Variants in TTYH3 observed in about 807,000 individuals in gnomAD.
The protein encoded by TTYH3 is protein tweety homolog 3.
Under a neutral mutation model 68.2 loss-of-function variants are expected in TTYH3, and 23 were observed. That is an observed-to-expected ratio of 0.34 (90% CI 0.24 to 0.48). The LOEUF (loss-of-function observed/expected upper bound fraction) is 0.48. Among genes scored for constraint, TTYH3 ranks in the 20% least tolerant of loss-of-function variants. The pLI is 0.99. For synonymous variants in TTYH3, 360 were observed against 332.8 expected (o/e 1.08, Z -0.89); for missense variants, 768 against 727.7 (o/e 1.06, Z -0.64).
At position 2,642,487 on chromosome 7, in the gene TTYH3, AGCCG is replaced by A. The variant is rs1785872235; in HGVS notation, c.124-4365_124-4362del. 2.1e-5 allele frequency among the ~76,000 whole-genome samples: 3 copies of A among 145,728 alleles called. No homozygotes were observed. The South Asian group carries it at 6.6e-4, about 32-fold the overall frequency. On this transcript the variant is annotated intron_variant, in intron 1 of 13. Coordinates refer to ENST00000258796, the MANE Select transcript of TTYH3 (RefSeq NM_025250.3). ...AACCTGAGAGGTGGAGGTTGCAGTGAGCCGAGATCATGCCACTGCACTCCAGCCT... is the reference window on the plus strand; with the variant it reads ...AACCTGAGAGGTGGAGGTTGCAGTGAAGATCATGCCACTGCACTCCAGCCT...
intron 9 of TTYH3, 149 bp downstream of exon 9, chr7:2,653,159 A>G: frequency 3.0e-6 from 2 of 663,006 alleles, no homozygotes; most frequent in Non-Finnish European, 5.2e-6. Flanking sequence ...GTGGCATGGG[A>G]GGTGTTCCTC....
In TTYH3 at chr7:2,635,931, GC is replaced by G. The variant is rs1378557074; in HGVS notation, c.123+3655del. Among the ~76,000 whole-genome samples the G allele has an allele frequency of 1.7e-4, 26 of 152,350 alleles. 1 individual carries two copies. Among genetic ancestry groups the G allele is most frequent in the African/African-American group, 5.8e-4 (24 of 41,602 alleles). On this transcript the variant is annotated intron_variant, in intron 1 of 13. Transcript: ENST00000258796. ...GGCCCTGAGGCAGAGAGAAGCTTGA[GC>G]CTCGGGGAGAGGCCTCAGCCCCACG...
rs1246722019 is a variant in TTYH3, at chr7:2,663,001, C to T, written c.*1262C>T. The T allele has an allele frequency of 6.6e-6, 1 of 152,292 alleles. No homozygotes were observed. Among genetic ancestry groups the T allele is most frequent in the East Asian group, 1.9e-4 (1 of 5,204 alleles). The allele number at this position is 152,292 out of a possible 1,614,324, so 9.4% of individuals were successfully genotyped here. On this transcript the variant is annotated 3_prime_UTR_variant, in exon 14 of 14. Transcript: ENST00000258796. ...GGACTGAGGTCCCTGTGGCCTCGGT[C>T]TCCTCCCCATGAAGTGGGAGCGAGG... is the stretch of plus-strand genomic sequence containing the variant.
intron 7 of TTYH3, among the ~76,000 whole-genome samples, chr7:2,650,365 G>C (rs1786135893): frequency 6.6e-6 from 1 of 152,150 alleles, no homozygotes; most frequent in African/African-American, 2.4e-5. Flanking sequence ...ATCACCTGAG[G>C]TCAGGAGTTC....
intron 1 of TTYH3, among the ~76,000 whole-genome samples, chr7:2,632,773 T>C (rs1263876716): frequency 2.0e-5 from 3 of 152,210 alleles, no homozygotes; most frequent in Non-Finnish European, 4.4e-5. Context: ...CCTCGCCCAC[T>C]CACCCCCGAC....
At position 2,649,601 on chromosome 7, in the gene TTYH3, A is replaced by T; in HGVS notation, c.757A>T (p.Ser253Cys). 3 of 1,598,114 alleles carry T rather than the reference A, an allele frequency of 1.9e-6. No homozygotes were observed. The highest frequency in any genetic ancestry group is 1.7e-4 in the Middle Eastern group (1 of 6,048). The change falls in exon 6 of 14, where the codon AGC becomes TGC. Residue 253 changes from serine (S) to cysteine (C), a missense_variant. Coordinates refer to ENST00000258796, the MANE Select transcript of TTYH3 (RefSeq NM_025250.3). ...CLLGVLALVI[S>C]WGALGLELAV... ...GCTGGGAGTCCTGGCCCTGGTCATC[A>T]GCTGGGGCGCGCTGGGCTTGGAGCT...
In TTYH3 at chr7:2,646,815, G is replaced by T. The variant is rs576536650; in HGVS notation, c.124-38G>T. 3.2e-5 allele frequency: 50 copies of T among 1,572,350 alleles called. No homozygotes were observed. In the Admixed American group the frequency reaches 8.2e-4, roughly 26 times the overall value. The stretch of plus-strand genomic sequence containing the variant: ...GCGGGGCGTGGGACTCTGAGCTGGG[G>T]GTCCACCCCTCCAGCGCCGCTTCCT... On this transcript the variant is annotated intron_variant, in intron 1 of 13. Coordinates refer to ENST00000258796, the MANE Select transcript of TTYH3 (RefSeq NM_025250.3).
At chr7:2,646,823 C>T in intron 1 of TTYH3, 30 bp from the exon 2 acceptor site, 2 of 1,580,012 alleles carry the variant, frequency 1.3e-6, no homozygotes, top group Non-Finnish European at 1.7e-6. Context: ...GGGGTCCACC[C>T]CTCCAGCGCC....
intron 7 of TTYH3, among the ~76,000 whole-genome samples, chr7:2,651,223 G>C (rs1042041691): frequency 6.6e-6 from 1 of 152,302 alleles, no homozygotes; most frequent in South Asian, 2.1e-4. Context: ...CCCTGTGGGG[G>C]TGAGGGTTAC....
chr7:2,658,560 G>T lies in TTYH3; in HGVS notation c.1424+101G>T. 4 of 1,411,142 alleles carry T rather than the reference G, an allele frequency of 2.8e-6. No individual in the cohort carries two copies. In the East Asian group the frequency reaches 7.4e-5, roughly 26 times the overall value. The allele number at this position is 1,411,142 out of a possible 1,614,324, so 87.4% of individuals were successfully genotyped here. A position where few individuals can be genotyped will look rare whatever the true frequency, so the allele number is the denominator to read the frequency against. ...GCTCGAGGCAAGGGGCTGGAGAAGG[G>T]GCGGCCTCCGGGCTGGGCAGCCCTG... On this transcript the variant is annotated intron_variant, in intron 12 of 13. Coordinates refer to ENST00000258796, the MANE Select transcript of TTYH3 (RefSeq NM_025250.3).
intron 9 of TTYH3, among the ~76,000 whole-genome samples, chr7:2,653,894 G>A (rs1008323501): frequency 6.6e-6 from 1 of 151,924 alleles, no homozygotes; most frequent in African/African-American, 2.4e-5. Flanking sequence ...AAATAAATAC[G>A]TTGCTATACT....
chr7:2,653,092 C>T, intron 9 of TTYH3, 82 bp downstream of exon 9: 1 of 1,331,034 alleles, frequency 7.5e-7, no homozygotes, highest in Admixed American at 2.1e-5. Context: ...GCAAACACAG[C>T]TCAGGGCAAA....
chr7:2,664,544 C>G lies in TTYH3; in HGVS notation c.*2805C>G, dbSNP rs944839926. On this transcript the variant is annotated 3_prime_UTR_variant, in exon 14 of 14. Transcript: ENST00000258796. ...CCCCCCCGGCCTGGGCATCTGACCT[C>G]CCCCACCCCAGTGTGATTTAACATC... The G allele has an allele frequency of 1.3e-5, 2 of 152,020 alleles. No homozygotes were observed. Among genetic ancestry groups the G allele is most frequent in the African/African-American group, 2.4e-5 (1 of 41,286 alleles). 9.4% of individuals were successfully genotyped at this position (152,020 alleles called of 1,614,324 possible). A position where few individuals can be genotyped will look rare whatever the true frequency, so the allele number is the denominator to read the frequency against.
At chr7:2,633,746 G>A (rs2114968187) in intron 1 of TTYH3, among the ~76,000 whole-genome samples, 1 of 152,348 alleles carries the variant, frequency 6.6e-6, no homozygotes, top group East Asian at 1.9e-4. Context: ...CCATTTGTCA[G>A]TTCTTAAGCT....
chr7:2,636,554 C>T (rs1285743781), intron 1 of TTYH3, among the ~76,000 whole-genome samples: 1 of 152,148 alleles, frequency 6.6e-6, no homozygotes, highest in Non-Finnish European at 1.5e-5. Context: ...GACACGGAGG[C>T]CCCCGGGGAG....
Position 2,646,940 on chromosome 7 carries a change from C to A in TTYH3, c.211C>A (p.Arg71=). ...LLFYSFWLCC[R]RRKSEEHLDA... Reference sequence around the variant, plus strand: ...CTTCTACTCCTTCTGGCTGTGCTGCCGGCGGCGCAAGAGCGAGGAGCACCT... The same window carrying A: ...CTTCTACTCCTTCTGGCTGTGCTGCAGGCGGCGCAAGAGCGAGGAGCACCT... The change falls in exon 2 of 14, where the codon CGG becomes AGG. Residue 71 remains arginine (R), a synonymous_variant. Transcript: ENST00000258796. The A allele has an allele frequency of 6.2e-7, 1 of 1,600,936 alleles. No homozygotes were observed. The highest frequency in any genetic ancestry group is 8.5e-7 in the Non-Finnish European group (1 of 1,178,802).
intron 1 of TTYH3, among the ~76,000 whole-genome samples, chr7:2,633,881 C>G (rs769845576): frequency 6.6e-6 from 1 of 152,182 alleles, no homozygotes. Flanking sequence ...TTCCCACATT[C>G]GAGACAGGCA....
At chr7:2,636,156 G>C (rs143455721) in intron 1 of TTYH3, among the ~76,000 whole-genome samples, 1 of 152,200 alleles carries the variant, frequency 6.6e-6, no homozygotes, top group Admixed American at 6.5e-5. Context: ...TGTCTGTGCC[G>C]CCACAAGGTG....
chr7:2,647,988 T>A lies in TTYH3; in HGVS notation c.656T>A (p.Leu219Gln), dbSNP rs780099877. The change falls in exon 5 of 14, where the codon CTG becomes CAG. Residue 219 changes from leucine (L) to glutamine (Q), a missense_variant. By Grantham distance (113) the Leu-to-Gln change is moderately radical (BLOSUM62 -2). Transcript: ENST00000258796. ...RWLGYLGLLL[L>Q]DVIICLLVLV... ...CTGGGCTACCTGGGCCTGCTGCTGC[T>A]GGACGTCATCATCTGCCTCCTGGTG... 6.2e-7 allele frequency: 1 copy of A among 1,610,560 alleles called. No individual in the cohort carries two copies. The highest frequency in any genetic ancestry group is 8.5e-7 in the Non-Finnish European group (1 of 1,179,896).
Sources: gnomAD v4.1 joint callset for allele counts (sites outside exome capture counted in the v4.1 genomes callset) on GRCh38, gnomAD v4.1.1 for gene constraint, MANE v1.5 for transcripts, NCBI Gene and HGNC (gene_info 2026-07-23, HGNC 2026-07-21) for gene names.